The following IFT122 variants were observed in gnomAD, a reference collection of about 807,000 sequenced individuals.
The protein encoded by IFT122 is intraflagellar transport 122.
In IFT122, 118 loss-of-function variants were observed where a neutral mutation model predicts 161.6. That is an observed-to-expected ratio of 0.73 (90% confidence interval 0.63 to 0.85). IFT122 has a LOEUF of 0.85. Ranked by LOEUF, IFT122 falls within the 40% of genes least tolerant of loss-of-function variation. The pLI is 0.00. For synonymous variants in IFT122, 550 were observed against 602.4 expected (o/e 0.91, Z 1.27); for missense variants, 1,381 against 1,579.6 (o/e 0.87, Z 2.13).
Position 129,469,353 on chromosome 3 carries a change from A to G in IFT122, c.752A>G (p.Asn251Ser), listed in dbSNP as rs754782458. 81 of 1,613,868 alleles carry G rather than the reference A, an allele frequency of 5.0e-5. No individual in the cohort carries two copies. The highest frequency in any genetic ancestry group is 6.3e-5 in the Non-Finnish European group (74 of 1,179,888). ...SPRDDNLEER[N>S]DILAVADWGQ... Reference sequence around the variant, plus strand: ...CTTCTGTTGATTAGAGAGGAACGTAATGACATCCTGGCTGTGGCTGACTGG... The same window carrying G: ...CTTCTGTTGATTAGAGAGGAACGTAGTGACATCCTGGCTGTGGCTGACTGG... The change falls in exon 9 of 30, where the codon AAT (asparagine) becomes AGT (serine). Residue 251 changes from asparagine to serine, a missense_variant. Physicochemically the swap from Asn to Ser is conservative, Grantham distance 46. Coordinates refer to ENST00000348417, the MANE Select transcript of IFT122 (RefSeq NM_052989.3).
Position 129,483,556 on chromosome 3 carries a change from C to T in IFT122, c.1725C>T (p.Tyr575=). 1 of 1,614,096 alleles carries T rather than the reference C, an allele frequency of 6.2e-7. No individual in the cohort carries two copies. The highest frequency in any genetic ancestry group is 8.5e-7 in the Non-Finnish European group (1 of 1,180,022). The change falls in exon 15 of 30, where the codon TAC becomes TAT. Residue 575 remains tyrosine, a synonymous_variant. Transcript: ENST00000348417. ...EDMLCFSGGG[Y]LNIKASTFPV... is the part of the protein sequence containing the mutation. ...TGCTCTGCTTCTCGGGAGGAGGCTA[C>T]CTCAACATCAAAGCCAGCACCTTCC...
chr3:129,484,986 C>T (rs1364013022), intron 15 of IFT122, among the ~76,000 whole-genome samples: 1 of 152,154 alleles, frequency 6.6e-6, no homozygotes, highest in East Asian at 1.9e-4. Context: ...TGGTGTTGTG[C>T]TTTTTACAGC....
intron 1 of IFT122, among the ~76,000 whole-genome samples, chr3:129,446,769 A>G (rs1020941040): frequency 2.0e-5 from 3 of 152,218 alleles, no homozygotes; most frequent in African/African-American, 7.2e-5. Context: ...TTGGCTCAGA[A>G]TAAATCTCTT....
chr3:129,463,358 T>C, intron 5 of IFT122: 1 of 547,568 alleles, frequency 1.8e-6, no homozygotes, highest in Non-Finnish European at 3.3e-6. Context: ...AAATCTGTTC[T>C]CCATTTCTAT....
rs1240946692 is a variant in IFT122, at chr3:129,466,895, G to A, written c.569G>A (p.Trp190Ter). ...WSICWNPSSR[W>*]ESFWMNRENE... ...CAACTACTTACTGTCTACAGCCGAT[G>A]GGAGAGTTTCTGGATGAACAGAGAG... Residue 190 changes from tryptophan to a stop codon, truncating the protein, a stop_gained, in exon 8 of 30, where the codon TGG (tryptophan) becomes TAG (stop). Coordinates refer to ENST00000348417, the MANE Select transcript of IFT122 (RefSeq NM_052989.3). LOFTEE classifies it high-confidence loss of function. 2.5e-6 allele frequency: 4 copies of A among 1,613,892 alleles called. No homozygotes were observed. The highest frequency in any genetic ancestry group is 3.4e-6 in the Non-Finnish European group (4 of 1,179,726).
At position 129,513,813 on chromosome 3, in the gene IFT122, G is replaced by A. The variant is rs775554474; in HGVS notation, c.2988-576G>A. 55 of 208,816 alleles carry A rather than the reference G, an allele frequency of 2.6e-4. 1 individual carries two copies. Among genetic ancestry groups the A allele is most frequent in the Admixed American group, 1.3e-3 (25 of 18,926 alleles). 12.9% of individuals were successfully genotyped at this position (208,816 alleles called of 1,614,324 possible). ...GGAGGGCCTGGGGGCAGCCAACATCGGAGGTGACCTGAGAGGAGAGCACAA... is the reference window on the plus strand; with the variant it reads ...GGAGGGCCTGGGGGCAGCCAACATCAGAGGTGACCTGAGAGGAGAGCACAA... On this transcript the variant is annotated intron_variant, in intron 24 of 29. Coordinates refer to ENST00000348417, the MANE Select transcript of IFT122 (RefSeq NM_052989.3).
chr3:129,459,917 C>T (rs2076045001), intron 4 of IFT122, among the ~76,000 whole-genome samples: 1 of 151,794 alleles, frequency 6.6e-6, no homozygotes, highest in Non-Finnish European at 1.5e-5. Context: ...CCACACCAGG[C>T]CAATTTTTAA....
chr3:129,446,331 TCTC>T (rs1258905416), intron 1 of IFT122, among the ~76,000 whole-genome samples: 3 of 151,886 alleles, frequency 2.0e-5, no homozygotes, highest in Non-Finnish European at 4.4e-5. Context: ...TTCACGCCAT[TCTC>T]CTGCCTCATC....
intron 9 of IFT122, among the ~76,000 whole-genome samples, chr3:129,472,455 A>G (rs1249223027): frequency 6.6e-6 from 1 of 152,082 alleles, no homozygotes; most frequent in Non-Finnish European, 1.5e-5. Context: ...GTGAGCCACC[A>G]TATCTGGCCT....
At chr3:129,485,746 G>T (rs1040093415) in intron 15 of IFT122, among the ~76,000 whole-genome samples, 1 of 152,260 alleles carries the variant, frequency 6.6e-6, no homozygotes, top group Non-Finnish European at 1.5e-5. Flanking sequence ...GCAGCCTGGG[G>T]CTTCCTCTGC....
intron 14 of IFT122, among the ~76,000 whole-genome samples, chr3:129,482,511 T>C (rs181149362): frequency 1.7e-4 from 26 of 152,266 alleles, no homozygotes; most frequent in Non-Finnish European, 2.9e-4. Flanking sequence ...GGCTCCTCCT[T>C]GTTCTCAGCA....
Position 129,461,294 on chromosome 3 carries a change from C to T in IFT122, c.339C>T (p.Ser113=), listed in dbSNP as rs2076189491. 1 of 1,612,212 alleles carries T rather than the reference C, an allele frequency of 6.2e-7. No homozygotes were observed. Among genetic ancestry groups the T allele is most frequent in the Admixed American group, 1.7e-5 (1 of 60,032 alleles). The change falls in exon 5 of 30, where the codon TCC becomes TCT. Residue 113 remains serine (S), a synonymous_variant. Transcript: ENST00000348417. ...CTCATCAACTGGCATCTTGTTCCTC[C>T]AGTGACTTTGGTACGTTCTGATTCC... ...PITHQLASCS[S]SDFGLWSPEQ...
At chr3:129,495,819 CAGACT>C (rs1373674497) in intron 18 of IFT122, among the ~76,000 whole-genome samples, 1 of 152,222 alleles carries the variant, frequency 6.6e-6, no homozygotes, top group African/African-American at 2.4e-5. Flanking sequence ...ACCAAGGGGG[CAGACT>C]ATGGCAGTTC....
At chr3:129,441,905 CAGAGTAAT>C (rs1559817411) in intron 1 of IFT122, among the ~76,000 whole-genome samples, 1 of 152,150 alleles carries the variant, frequency 6.6e-6, no homozygotes, top group Admixed American at 6.5e-5. Context: ...GCTTCAATGT[CAGAGTAAT>C]AGAGTGTGGC....
At chr3:129,481,988 G>C (rs1363115618) in intron 14 of IFT122, among the ~76,000 whole-genome samples, 1 of 152,232 alleles carries the variant, frequency 6.6e-6, no homozygotes, top group African/African-American at 2.4e-5. Flanking sequence ...ACAAGAAATG[G>C]GGCAATGACT....
At chr3:129,478,265 TCC>T (rs58550262) in intron 12 of IFT122, 47 bp downstream of exon 12, 1 of 1,518,192 alleles carries the variant, frequency 6.6e-7, no homozygotes, top group Non-Finnish European at 9.1e-7. Context: ...CCATTTGTGC[TCC>T]CCCCCCAGTG....
chr3:129,489,930 G>A (rs1486698594), intron 16 of IFT122, among the ~76,000 whole-genome samples: 2 of 151,904 alleles, frequency 1.3e-5, no homozygotes, highest in African/African-American at 2.4e-5. Context: ...ATGCCAGCAG[G>A]GAGGGAGACG....
Position 129,500,042 on chromosome 3 carries a change from C to A in IFT122, c.2349C>A (p.Ile783=), listed in dbSNP as rs114357746. The A allele has an allele frequency of 7.6e-4, 1,219 of 1,614,210 alleles. 8 individuals are homozygous for A. In the African/African-American group the frequency reaches 0.015, roughly 19 times the overall value. Residue 783 remains isoleucine (I), a synonymous_variant, in exon 19 of 30, where the codon ATC becomes ATA. Coordinates refer to ENST00000348417, the MANE Select transcript of IFT122 (RefSeq NM_052989.3). ...SAGEHVKAIE[I]CGDHGWVDML... is the part of the protein sequence containing the mutation. ...GAGAGCACGTCAAGGCCATCGAGAT[C>A]TGTGGTGACCATGGCTGGGTTGACA...
chr3:129,442,670 C>T (rs1480039563), intron 1 of IFT122, among the ~76,000 whole-genome samples: 1 of 152,008 alleles, frequency 6.6e-6, no homozygotes, highest in East Asian at 1.9e-4. Context: ...CCGGTCTGCT[C>T]CTTTGCTTCT....
Sources: gnomAD v4.1 joint callset for allele counts (sites outside exome capture counted in the v4.1 genomes callset) on GRCh38, gnomAD v4.1.1 for gene constraint, MANE v1.5 for transcripts, NCBI Gene and HGNC (gene_info 2026-07-23, HGNC 2026-07-21) for gene names.